ABCD3: variants seen among roughly 807,000 people sequenced by gnomAD.
ABCD3 encodes the protein ATP binding cassette subfamily D member 3, also known as ATP-binding cassette sub-family D member 3.
ABCD3 carries 41 observed loss-of-function variants against 105.5 expected under a neutral mutation model. The ratio of observed to expected loss-of-function variants is 0.39; its 90% CI spans 0.30 to 0.50. The LOEUF is 0.50. Among genes scored for constraint, ABCD3 ranks in the 20% least tolerant of loss-of-function variants. ABCD3 has a pLI of 0.84. For synonymous variants in ABCD3, 258 were observed against 269.0 expected, an observed-to-expected ratio of 0.96 and a Z score of 0.40; for missense variants, 622 against 806.3, an observed-to-expected ratio of 0.77 and a Z score of 2.77.
intron 1 of ABCD3, among the ~76,000 whole-genome samples, chr1:94,445,950 C>T (rs1368651363): frequency 1.3e-5 from 2 of 152,256 alleles, no homozygotes; most frequent in East Asian, 3.9e-4. Context: ...GGCTACTCTG[C>T]TAGCCCAAGC....
chr1:94,499,149 C>A, intron 19 of ABCD3, 115 bp downstream of exon 19: 1 of 997,816 alleles, frequency 1.0e-6, no homozygotes, highest in Non-Finnish European at 1.6e-6. Flanking sequence ...CCTTCCAAAG[C>A]TGTAAATTGT....
the ABCD3 span, among the ~76,000 whole-genome samples, chr1:94,389,588 A>G: frequency 1.3e-5 from 2 of 152,214 alleles, no homozygotes; most frequent in Non-Finnish European, 1.5e-5. Context: ...AACAATGTTT[A>G]TCACTGGCTT....
chr1:94,497,563 A>G lies in ABCD3; in HGVS notation c.1387-1039A>G, dbSNP rs79061059. 2.9e-3 allele frequency among the ~76,000 whole-genome samples: 448 copies of G among 152,360 alleles called. 2 individuals are homozygous for G. Among genetic ancestry groups the G allele is most frequent in the African/African-American group, 0.01 (431 of 41,592 alleles). On this transcript the variant is annotated intron_variant, in intron 16 of 22. Coordinates refer to ENST00000370214, the MANE Select transcript of ABCD3 (RefSeq NM_002858.4). ...CAGATACTTACAAGATCATAAGCCT[A>G]GAACTTAACCACTCTTTACATTTTC...
At chr1:94,405,181 G>T in the ABCD3 span, among the ~76,000 whole-genome samples, 7 of 152,054 alleles carry the variant, frequency 4.6e-5, no homozygotes, top group Non-Finnish European at 8.8e-5. Flanking sequence ...ACACTCTAGG[G>T]TAAATGCCTG....
intron 1 of ABCD3, among the ~76,000 whole-genome samples, chr1:94,435,088 T>A (rs1659849828): frequency 6.6e-6 from 1 of 152,228 alleles, no homozygotes; most frequent in African/African-American, 2.4e-5. Flanking sequence ...CTGTACAGAT[T>A]CTGTAGTCTA....
intron 1 of ABCD3, among the ~76,000 whole-genome samples, chr1:94,452,721 TG>T (rs1487193678): frequency 2.0e-4 from 31 of 151,758 alleles, no homozygotes; most frequent in African/African-American, 7.3e-4. Flanking sequence ...TGGTTTTTTT[TG>T]TTTTTTTTTG....
chr1:94,505,768 T>C (rs917372126), intron 20 of ABCD3, among the ~76,000 whole-genome samples: 15 of 152,092 alleles, frequency 9.9e-5, no homozygotes, highest in Non-Finnish European at 1.6e-4. Flanking sequence ...ATGGTTTCAC[T>C]ATCACTTTCT....
the ABCD3 span, among the ~76,000 whole-genome samples, chr1:94,404,200 C>T: frequency 6.6e-6 from 1 of 152,152 alleles, no homozygotes; most frequent in South Asian, 2.1e-4. Context: ...ATCCCAACAA[C>T]ATCAATACCT....
chr1:94,407,773 C>T, the ABCD3 span, among the ~76,000 whole-genome samples: 4 of 152,190 alleles, frequency 2.6e-5, no homozygotes, highest in Non-Finnish European at 5.9e-5. Context: ...ATCTGGCCTA[C>T]CTTCTGTTTT....
In ABCD3 at chr1:94,487,920, T is replaced by G. The variant is rs1250431140; in HGVS notation, c.1094T>G (p.Leu365Trp). The G allele has an allele frequency of 6.2e-7, 1 of 1,613,778 alleles. No individual in the cohort carries two copies. The highest frequency in any genetic ancestry group is 8.5e-7 in the Non-Finnish European group (1 of 1,179,876). ...EDYYQSGRML[L>W]RMSQALGRIV... ...TACTACCAAAGTGGAAGAATGCTTTTGCGAATGTCTCAAGCTCTGGGTCGA... is the reference window on the plus strand; with the variant it reads ...TACTACCAAAGTGGAAGAATGCTTTGGCGAATGTCTCAAGCTCTGGGTCGA... The change falls in exon 13 of 23, where the codon TTG becomes TGG. Residue 365 changes from leucine to tryptophan, a missense_variant. By Grantham distance (61) the Leu-to-Trp change is moderately conservative. Coordinates refer to ENST00000370214, the MANE Select transcript of ABCD3 (RefSeq NM_002858.4).
At chr1:94,394,381 A>G in the ABCD3 span, among the ~76,000 whole-genome samples, 1 of 152,194 alleles carries the variant, frequency 6.6e-6, no homozygotes, top group Admixed American at 6.5e-5. Context: ...GTAAAGGTAA[A>G]CTGTTTCTGA....
the ABCD3 span, among the ~76,000 whole-genome samples, chr1:94,395,615 T>A: frequency 6.6e-6 from 1 of 152,336 alleles, no homozygotes; most frequent in Admixed American, 6.5e-5. Flanking sequence ...CAGACTTGGT[T>A]AATGCTATTG....
intron 8 of ABCD3, 138 bp from the exon 9 acceptor site, chr1:94,480,322 AAAAC>A (rs1473092056): frequency 1.0e-6 from 1 of 994,544 alleles, no homozygotes; most frequent in Non-Finnish European, 1.5e-6. Flanking sequence ...TTTCAGAAAA[AAAAC>A]AAAGGGAAAA....
intron 1 of ABCD3, among the ~76,000 whole-genome samples, chr1:94,422,990 TTAC>T (rs1454940949): frequency 6.6e-6 from 1 of 152,250 alleles, no homozygotes; most frequent in Non-Finnish European, 1.5e-5. Context: ...CAATCTGGTC[TTAC>T]TTTACCTGGC....
rs76801273 is a variant in ABCD3, at chr1:94,490,789, T to A, written c.1323-395T>A. 4.1e-3 allele frequency among the ~76,000 whole-genome samples: 619 copies of A among 152,192 alleles called. 1 individual carries two copies. Among genetic ancestry groups the A allele is most frequent in the African/African-American group, 0.014 (584 of 41,554 alleles). ...TTTCCTTTGGAAATGTTCCCAGAAG[T>A]GGGATTGCTAGATCATACGGTAGTC... On this transcript the variant is annotated intron_variant, in intron 15 of 22. Coordinates refer to ENST00000370214, the MANE Select transcript of ABCD3 (RefSeq NM_002858.4).
chr1:94,478,545 C>A, intron 8 of ABCD3: 1 of 1,597,146 alleles, frequency 6.3e-7, no homozygotes, highest in Non-Finnish European at 8.5e-7. Context: ...AATTTTGTGG[C>A]ATTAAAAACC....
At chr1:94,438,301 TACACACACACACACAC>T (rs58959540) in intron 1 of ABCD3, among the ~76,000 whole-genome samples, 55 of 128,286 alleles carry the variant, frequency 4.3e-4, no homozygotes, top group African/African-American at 1.2e-3. Context: ...CACACACACA[TACACACACACACACAC>T]ACACACACAC....
chr1:94,419,347 T>A, intron 1 of ABCD3: 1 of 985,340 alleles, frequency 1.0e-6, no homozygotes, highest in Non-Finnish European at 1.2e-6. Flanking sequence ...TCCTTTTTAA[T>A]GACACGCCAC....
chr1:94,414,206 A>G (rs527428450), upstream of ABCD3, among the ~76,000 whole-genome samples: 29 of 152,258 alleles, frequency 1.9e-4, no homozygotes, highest in African/African-American at 5.5e-4. Flanking sequence ...GTGATGAGAA[A>G]CTAGTAAGGA....
Sources: gnomAD v4.1 joint callset for allele counts (sites outside exome capture counted in the v4.1 genomes callset) on GRCh38, gnomAD v4.1.1 for gene constraint, MANE v1.5 for transcripts, NCBI Gene and HGNC (gene_info 2026-07-23, HGNC 2026-07-21) for gene names.